Variants in IFTAP observed in about 807,000 individuals in gnomAD.
The protein encoded by IFTAP is intraflagellar transport associated protein, also known as intraflagellar transport-associated protein.
IFTAP carries 19 observed loss-of-function variants against 19.4 expected under a neutral mutation model. That is an observed-to-expected ratio of 0.98 (90% CI 0.68 to 1.44). The LOEUF is 1.44. Among genes scored for constraint, IFTAP ranks in the 40% most tolerant of loss-of-function variants. The probability of loss-of-function intolerance (pLI) is 0.00; values close to 1 mark genes in which losing one functional copy is unlikely to be tolerated. For missense variants in IFTAP, 240 were observed against 253.6 expected, an observed-to-expected ratio of 0.95 and a Z score of 0.36; for synonymous variants, 85 against 83.5, an observed-to-expected ratio of 1.02 and a Z score of -0.10.
chr11:36,645,976 A>G (rs1398377130), intron 4 of IFTAP, among the ~76,000 whole-genome samples: 1 of 152,182 alleles, frequency 6.6e-6, no homozygotes, highest in Non-Finnish European at 1.5e-5. Flanking sequence ...ACTAATAGAT[A>G]TGCATTGGTG....
At chr11:36,622,211 A>G (rs1852322080) in intron 2 of IFTAP, among the ~76,000 whole-genome samples, 1 of 151,586 alleles carries the variant, frequency 6.6e-6, no homozygotes, top group Admixed American at 6.6e-5. Context: ...TTTGAGTCCT[A>G]TATTCTTACA....
rs1348868682 is a variant in IFTAP, at chr11:36,617,550, T to G, written c.136+7311T>G. Among the ~76,000 whole-genome samples, 4 of 151,950 alleles carry G rather than the reference T, an allele frequency of 2.6e-5. No individual in the cohort carries two copies. In the East Asian group the frequency reaches 5.8e-4, roughly 22 times the overall value. ...ACCACTAGTTTTGAGAACCACTGAT[T>G]TAGGCTACAGATTCTCATAAGGCAG... is the stretch of plus-strand genomic sequence containing the variant. On this transcript the variant is annotated intron_variant, in intron 2 of 5. Coordinates refer to ENST00000334307, the MANE Select transcript of IFTAP (RefSeq NM_138787.4).
At chr11:36,608,664 A>G (rs1851776045) in intron 1 of IFTAP, among the ~76,000 whole-genome samples, 1 of 152,214 alleles carries the variant, frequency 6.6e-6, no homozygotes, top group South Asian at 2.1e-4. Context: ...ATGAATGACA[A>G]TGTGGAATGG....
chr11:36,606,826 T>C (rs1384433968), intron 1 of IFTAP, among the ~76,000 whole-genome samples: 2 of 152,316 alleles, frequency 1.3e-5, no homozygotes, highest in Non-Finnish European at 1.5e-5. Flanking sequence ...CAGATTGACG[T>C]TGAAATTCTT....
rs560185591 is a variant in IFTAP at position 36,648,548 on chromosome 11, A to G, written c.498+393A>G. On this transcript the variant is annotated intron_variant, in intron 5 of 5. Transcript: ENST00000334307. ...CCAGGCTGCTATAACAGAGAATCCT[A>G]ATAATAATTCAATGGCTGAAAAGAG... Among the ~76,000 whole-genome samples, 3 of 152,144 alleles carry G rather than the reference A, an allele frequency of 2.0e-5. No homozygotes were observed. The South Asian group carries it at 6.2e-4, about 32-fold the overall frequency.
At chr11:36,653,292 G>C (rs1043213651) in intron 5 of IFTAP, among the ~76,000 whole-genome samples, 1 of 152,004 alleles carries the variant, frequency 6.6e-6, no homozygotes, top group African/African-American at 2.4e-5. Flanking sequence ...GGGACTCAAA[G>C]TTTTCCAATA....
intron 1 of IFTAP, among the ~76,000 whole-genome samples, chr11:36,601,906 C>G (rs764739819): frequency 6.6e-6 from 1 of 152,178 alleles, no homozygotes; most frequent in Non-Finnish European, 1.5e-5. Flanking sequence ...CCCATGTTGT[C>G]CTTCCCAAGT....
At chr11:36,632,382 T>C (rs1291488606) in intron 2 of IFTAP, among the ~76,000 whole-genome samples, 2 of 151,262 alleles carry the variant, frequency 1.3e-5, no homozygotes, top group Non-Finnish European at 2.9e-5. Context: ...TTAACCTACA[T>C]TTGCAGCTGC....
chr11:36,647,805 G>A (rs1205255324), intron 4 of IFTAP, among the ~76,000 whole-genome samples: 5 of 151,992 alleles, frequency 3.3e-5, no homozygotes, highest in South Asian at 2.1e-4. Flanking sequence ...CGTTTGCAAC[G>A]ATAAAATAAA....
rs12279656 is a variant in IFTAP, at chr11:36,604,155, A to G, written c.-23-5926A>G. On this transcript the variant is annotated intron_variant, in intron 1 of 5. Transcript: ENST00000334307. Reference sequence around the variant, plus strand: ...TTCTATTACTGCTGCATGGAACGCAATTCATCTCTCTCTTAAAGCTTTGTA... The same window carrying G: ...TTCTATTACTGCTGCATGGAACGCAGTTCATCTCTCTCTTAAAGCTTTGTA... Among the ~76,000 whole-genome samples the G allele has an allele frequency of 3.9e-3, 594 of 152,204 alleles. 4 individuals carry two copies. Among genetic ancestry groups the G allele is most frequent in the African/African-American group, 0.014 (568 of 41,526 alleles).
chr11:36,596,139 T>C (rs1283466184), intron 1 of IFTAP, among the ~76,000 whole-genome samples: 1 of 152,108 alleles, frequency 6.6e-6, no homozygotes, highest in Non-Finnish European at 1.5e-5. Context: ...ATTTATCTAA[T>C]TTATCTTTAT....
intron 4 of IFTAP, among the ~76,000 whole-genome samples, chr11:36,645,152 G>A (rs1853428206): frequency 6.6e-6 from 1 of 152,010 alleles, no homozygotes; most frequent in Non-Finnish European, 1.5e-5. Flanking sequence ...AATATGCCAG[G>A]CAGATTTAAT....
At chr11:36,650,609 C>G (rs1483206729) in intron 5 of IFTAP, among the ~76,000 whole-genome samples, 1 of 149,850 alleles carries the variant, frequency 6.7e-6, no homozygotes, top group African/African-American at 2.5e-5. Flanking sequence ...TACATGTGCA[C>G]AACGTGCAGG....
At chr11:36,618,316 C>T (rs944755939) in intron 2 of IFTAP, among the ~76,000 whole-genome samples, 1 of 151,978 alleles carries the variant, frequency 6.6e-6, no homozygotes, top group Admixed American at 6.6e-5. Context: ...GATTTCAAAG[C>T]CCACACCCTG....
At chr11:36,631,447 A>C (rs1244497716) in intron 2 of IFTAP, among the ~76,000 whole-genome samples, 1 of 151,398 alleles carries the variant, frequency 6.6e-6, no homozygotes, top group Non-Finnish European at 1.5e-5. Context: ...TTATGTCCTA[A>C]AGATACCCTC....
chr11:36,628,949 A>G (rs1424414536), intron 2 of IFTAP, among the ~76,000 whole-genome samples: 1 of 151,318 alleles, frequency 6.6e-6, no homozygotes, highest in Non-Finnish European at 1.5e-5. Flanking sequence ...GCCCTTTCAA[A>G]TGAGGAACAT....
intron 3 of IFTAP, 22 bp downstream of exon 3, chr11:36,633,460 T>G (rs747586551): frequency 6.8e-7 from 1 of 1,460,490 alleles, no homozygotes; most frequent in Non-Finnish European, 9.1e-7. Context: ...ATAGTACATG[T>G]ATAGAAACAA....
At chr11:36,625,557 G>A (rs543332703) in intron 2 of IFTAP, among the ~76,000 whole-genome samples, 35 of 152,118 alleles carry the variant, frequency 2.3e-4, no homozygotes, top group Admixed American at 2.3e-3. Context: ...TCTTTTTGTG[G>A]GACATTTGAA....
intron 4 of IFTAP, among the ~76,000 whole-genome samples, chr11:36,643,097 A>C (rs891869447): frequency 1.3e-5 from 2 of 152,246 alleles, no homozygotes; most frequent in African/African-American, 4.8e-5. Context: ...ATGATTGTAT[A>C]TTTAGAAAAC....
Sources: allele counts gnomAD v4.1 joint callset (sites outside exome capture counted in the v4.1 genomes callset), GRCh38; gene constraint gnomAD v4.1.1; transcripts MANE v1.5; gene names NCBI Gene and HGNC (gene_info 2026-07-23, HGNC 2026-07-21).